KALRN: variants seen among roughly 807,000 people sequenced by gnomAD.
KALRN encodes kalirin.
In KALRN, 70 loss-of-function variants were observed where a neutral mutation model predicts 353.7. The observed-to-expected ratio is 0.20, with a 90% confidence interval of 0.16 to 0.24. The LOEUF is 0.24. Ranked by LOEUF, KALRN falls within the 10% of genes least tolerant of loss-of-function variation. The pLI, the probability that KALRN is intolerant of heterozygous loss-of-function variation, is 1.00. For missense variants in KALRN, 2,791 were observed against 3,756.7 expected (o/e 0.74, Z 6.72); for synonymous variants, 1,391 against 1,434.8 (o/e 0.97, Z 0.69).
chr3:124,584,287 T>C (rs1031486151), intron 34 of KALRN, among the ~76,000 whole-genome samples: 1 of 152,106 alleles, frequency 6.6e-6, no homozygotes, highest in Non-Finnish European at 1.5e-5. Flanking sequence ...GACGGTGTTT[T>C]CAATACAGAG....
chr3:124,696,228 T>C lies in KALRN; in HGVS notation c.7672T>C (p.Ser2558Pro). The C allele has an allele frequency of 6.2e-7, 1 of 1,614,060 alleles. No homozygotes were observed. Among genetic ancestry groups the C allele is most frequent in the Non-Finnish European group, 8.5e-7 (1 of 1,179,906 alleles). ...CIATNDHGTT[S>P]TSATVKVQGV... ...AGCAACAAATGACCACGGGACCACA[T>C]CAACGTCTGCAACAGTCAAAGTGCA... is the stretch of plus-strand genomic sequence containing the variant. The change falls in exon 54 of 60, where the codon TCA (serine) becomes CCA (proline). Residue 2558 changes from serine (S) to proline (P), a missense_variant. By Grantham distance (74) the Ser-to-Pro change is moderately conservative. Around this residue, in one of 11 missense-constraint regions of KALRN, gnomAD observed 1,065 missense variants for 1,156.4 expected, o/e 0.92. Transcript: ENST00000682506.
chr3:124,320,251 G>A (rs2079191117), intron 6 of KALRN, among the ~76,000 whole-genome samples: 1 of 152,176 alleles, frequency 6.6e-6, no homozygotes, highest in Non-Finnish European at 1.5e-5. Context: ...AGAGGACAGG[G>A]CCCCTTTAGG....
chr3:124,435,572 A>C (rs2093432041), intron 17 of KALRN, among the ~76,000 whole-genome samples: 1 of 152,218 alleles, frequency 6.6e-6, no homozygotes, highest in Non-Finnish European at 1.5e-5. Context: ...TCAGAGAATC[A>C]TTCTCCTTGG....
At chr3:124,087,737 T>C (rs1171303470) in intron 1 of KALRN, among the ~76,000 whole-genome samples, 1 of 152,152 alleles carries the variant, frequency 6.6e-6, no homozygotes, top group Non-Finnish European at 1.5e-5. Context: ...GGGCTGGGAC[T>C]AGCTGGGGGT....
At chr3:124,628,491 CCCTTCCCTTCCTTCCCTT>C (rs1261974224) in intron 34 of KALRN, among the ~76,000 whole-genome samples, 31,152 of 106,336 alleles carry the variant, frequency 0.29, 5,817 homozygotes, top group East Asian at 0.6. Flanking sequence ...TCCCTTCCCT[CCCTTCCCTTCCTTCCCTT>C]CCTTCCCTTC....
chr3:124,089,555 A>T (rs1452956808), intron 1 of KALRN, among the ~76,000 whole-genome samples: 2 of 152,100 alleles, frequency 1.3e-5, no homozygotes, highest in African/African-American at 4.8e-5. Context: ...ACTGGCTGCG[A>T]GGGAAACAGA....
At chr3:124,414,333 C>G (rs1286256359) in intron 14 of KALRN, among the ~76,000 whole-genome samples, 2 of 152,182 alleles carry the variant, frequency 1.3e-5, no homozygotes, top group Non-Finnish European at 1.5e-5. Context: ...GTTTCCTCTT[C>G]TGCTCCCGAT....
At chr3:124,543,494 G>T (rs1448562371) in intron 33 of KALRN, among the ~76,000 whole-genome samples, 1 of 151,852 alleles carries the variant, frequency 6.6e-6, no homozygotes, top group Non-Finnish European at 1.5e-5. Context: ...GTAGAGACGG[G>T]GTTTCACTGT....
At chr3:124,366,166 A>T (rs564177041) in intron 10 of KALRN, among the ~76,000 whole-genome samples, 1 of 151,078 alleles carries the variant, frequency 6.6e-6, no homozygotes, top group Non-Finnish European at 1.5e-5. Context: ...GAGACATTTT[A>T]TATGTTTTGT....
chr3:124,073,232 C>G (rs2060103480), intron 1 of KALRN, among the ~76,000 whole-genome samples: 1 of 152,190 alleles, frequency 6.6e-6, no homozygotes, highest in African/African-American at 2.4e-5. Context: ...AAGTACTGAT[C>G]CAGTCTAGTT....
At chr3:124,180,426 G>C (rs1044180945) in intron 1 of KALRN, among the ~76,000 whole-genome samples, 3 of 152,116 alleles carry the variant, frequency 2.0e-5, no homozygotes, top group Non-Finnish European at 4.4e-5. Flanking sequence ...TAGAATAAGC[G>C]ACTCCTCTCC....
chr3:124,221,832 GGGAAAT>G (rs1485292222), intron 1 of KALRN, among the ~76,000 whole-genome samples: 1 of 152,134 alleles, frequency 6.6e-6, no homozygotes, highest in African/African-American at 2.4e-5. Context: ...CTGGTATTGG[GGGAAAT>G]GGACACTCGG....
chr3:124,666,974 C>A (rs1406850186), intron 46 of KALRN, 38 bp from the exon 47 acceptor site: 10 of 1,556,818 alleles, frequency 6.4e-6, no homozygotes, highest in Middle Eastern at 1.7e-4. Flanking sequence ...TTTAAAAAAT[C>A]TTTTAAATGT....
chr3:124,286,118 T>TCTTTCTTG (rs1491212151), intron 5 of KALRN, among the ~76,000 whole-genome samples: 3 of 149,338 alleles, frequency 2.0e-5, no homozygotes, highest in Non-Finnish European at 4.4e-5. Context: ...TTTCTTTCTT[T>TCTTTCTTG]CTTTCTTTCT....
intron 21 of KALRN, among the ~76,000 whole-genome samples, chr3:124,450,737 A>G (rs1417640606): frequency 1.3e-5 from 2 of 151,848 alleles, no homozygotes; most frequent in Non-Finnish European, 2.9e-5. Context: ...TGATTTTTGT[A>G]TTTTTAGTAG....
intron 33 of KALRN, among the ~76,000 whole-genome samples, chr3:124,508,008 A>G (rs1046914305): frequency 3.3e-5 from 5 of 152,194 alleles, no homozygotes; most frequent in Admixed American, 2.6e-4. Flanking sequence ...TTTTAATTGA[A>G]ATGTACAGTA....
intron 59 of KALRN, 109 bp from the exon 60 acceptor site, chr3:124,718,816 T>C: frequency 9.7e-7 from 1 of 1,035,682 alleles, no homozygotes; most frequent in Non-Finnish European, 1.4e-6. Flanking sequence ...CACCATAGGC[T>C]TTATCAAAGA....
chr3:124,322,550 A>T (rs1244403055), intron 6 of KALRN, among the ~76,000 whole-genome samples: 1 of 152,192 alleles, frequency 6.6e-6, no homozygotes, highest in Non-Finnish European at 1.5e-5. Context: ...AAAGCTGTAA[A>T]GAGCCAAAAT....
intron 11 of KALRN, among the ~76,000 whole-genome samples, chr3:124,392,231 A>T (rs929270200): frequency 2.6e-5 from 4 of 151,682 alleles, no homozygotes; most frequent in Non-Finnish European, 5.9e-5. Flanking sequence ...TGTGTTTTTT[A>T]AAAAAATTTT....
Sources: allele counts gnomAD v4.1 joint callset (sites outside exome capture counted in the v4.1 genomes callset), GRCh38; gene constraint gnomAD v4.1.1; regional missense constraint gnomAD v4.1.1; transcripts MANE v1.5; gene names NCBI Gene and HGNC (gene_info 2026-07-23, HGNC 2026-07-21).